The following GNB4 variants were observed in gnomAD, a reference collection of about 807,000 sequenced individuals.
GNB4 encodes guanine nucleotide-binding protein subunit beta-4.
In GNB4, 28 loss-of-function variants were observed where a neutral mutation model predicts 45.2. The ratio of observed to expected loss-of-function variants is 0.62; its 90% CI spans 0.46 to 0.85. The LOEUF (loss-of-function observed/expected upper bound fraction) is 0.85, where lower values mean the gene tolerates loss of function less well. Among genes scored for constraint, GNB4 ranks in the 40% least tolerant of loss-of-function variants. The pLI is 0.00. For synonymous variants in GNB4, 132 were observed against 143.7 expected (o/e 0.92, Z 0.58); for missense variants, 321 against 425.4 (o/e 0.75, Z 2.16).
chr3:179,519,138 A>G, the GNB4 span, among the ~76,000 whole-genome samples: 163 of 152,350 alleles, frequency 1.1e-3, 1 homozygote, highest in South Asian at 3.1e-3. Flanking sequence ...AGCTTGCTAC[A>G]AGTGCCAGAA....
At chr3:179,425,717 T>C (rs1452175781) in intron 2 of GNB4, among the ~76,000 whole-genome samples, 5 of 152,184 alleles carry the variant, frequency 3.3e-5, no homozygotes, top group Admixed American at 6.5e-5. Flanking sequence ...GTGATCCACC[T>C]GCCTCAGCCT....
the GNB4 span, among the ~76,000 whole-genome samples, chr3:179,521,703 G>T: frequency 1.6e-4 from 25 of 152,130 alleles, no homozygotes; most frequent in African/African-American, 6.0e-4. Context: ...TTGCTGGCAG[G>T]GCTATGCTGA....
At chr3:179,485,875 G>A in the GNB4 span, among the ~76,000 whole-genome samples, 1,154 of 152,218 alleles carry the variant, frequency 7.6e-3, 6 homozygotes, top group Middle Eastern at 0.017. Flanking sequence ...AGGAGGTGAA[G>A]GTTGCAGTGA....
chr3:179,520,568 C>T, the GNB4 span, among the ~76,000 whole-genome samples: 2 of 152,164 alleles, frequency 1.3e-5, no homozygotes, highest in Admixed American at 1.3e-4. Context: ...GCTCAACTCA[C>T]TCTCTACAGT....
rs372082625 is a variant in GNB4 at position 179,426,126 on chromosome 3, G to T, written c.57+18C>A. 17 of 1,592,300 alleles carry T rather than the reference G, an allele frequency of 1.1e-5. No individual in the cohort carries two copies. In the South Asian group the frequency reaches 1.8e-4, roughly 17 times the overall value. On this transcript the variant is annotated intron_variant, in intron 2 of 9. Transcript: ENST00000232564. ...GGTACTAAATAAGTGCTAACATTTT[G>T]AAATGAAAAGGTTTTACCTGAATCT...
upstream of GNB4, among the ~76,000 whole-genome samples, chr3:179,456,020 T>A (rs774541905): frequency 6.6e-6 from 1 of 152,086 alleles, no homozygotes; most frequent in Admixed American, 6.5e-5. Context: ...AGCATTTTTA[T>A]GACTTAGCCT....
chr3:179,487,441 C>T, the GNB4 span, among the ~76,000 whole-genome samples: 1 of 152,128 alleles, frequency 6.6e-6, no homozygotes, highest in Non-Finnish European at 1.5e-5. Flanking sequence ...GCGAAGGGAA[C>T]CCCGGAGAAA....
At chr3:179,526,123 T>A in the GNB4 span, among the ~76,000 whole-genome samples, 1 of 152,038 alleles carries the variant, frequency 6.6e-6, no homozygotes, top group Admixed American at 6.6e-5. Context: ...AAAATTACAG[T>A]CAAAAGGGGG....
At chr3:179,442,516 C>G (rs968274603) in intron 1 of GNB4, among the ~76,000 whole-genome samples, 41 of 152,108 alleles carry the variant, frequency 2.7e-4, no homozygotes, top group African/African-American at 8.9e-4. Flanking sequence ...AAATCATACA[C>G]TTAGCCTGTC....
At chr3:179,448,066 C>T (rs116213813) in intron 1 of GNB4, among the ~76,000 whole-genome samples, 435 of 152,278 alleles carry the variant, frequency 2.9e-3, no homozygotes, top group African/African-American at 0.01. Context: ...AGAATTGTTT[C>T]ATGGAGTAGG....
At chr3:179,521,561 C>T in the GNB4 span, among the ~76,000 whole-genome samples, 1 of 152,204 alleles carries the variant, frequency 6.6e-6, no homozygotes, top group Non-Finnish European at 1.5e-5. Context: ...CCATTCTCAA[C>T]TACTCATAAA....
chr3:179,418,489 G>A (rs71631210), intron 4 of GNB4, among the ~76,000 whole-genome samples: 23,380 of 132,438 alleles, frequency 0.18, 2,285 homozygotes, highest in Non-Finnish European at 0.22. Context: ...AAAAAAAAAA[G>A]AAAAAAGAAA....
chr3:179,467,993 T>C, the GNB4 span, among the ~76,000 whole-genome samples: 4 of 135,122 alleles, frequency 3.0e-5, no homozygotes, highest in African/African-American at 1.2e-4. Context: ...ATTCCAAGTA[T>C]GAAAAACCAG....
intron 6 of GNB4, 142 bp downstream of exon 6, chr3:179,414,736 GTTAATGT>G: frequency 1.9e-6 from 1 of 529,192 alleles, no homozygotes; most frequent in Non-Finnish European, 3.2e-6. Flanking sequence ...ACTATAAAAA[GTTAATGT>G]TTCCTTTGTT....
the GNB4 span, chr3:179,464,354 G>A: frequency 7.5e-6 from 6 of 795,466 alleles, no homozygotes; most frequent in South Asian, 2.9e-5. Context: ...CTATGGCTGC[G>A]ACTTCCCTCA....
At chr3:179,430,499 CT>C (rs1373270602) in intron 1 of GNB4, among the ~76,000 whole-genome samples, 2 of 152,268 alleles carry the variant, frequency 1.3e-5, no homozygotes, top group Middle Eastern at 3.4e-3. Context: ...GTCAACCAGG[CT>C]GGAGTGCAGC....
At chr3:179,453,401 C>T (rs546783510), upstream of GNB4, among the ~76,000 whole-genome samples, 3 of 152,158 alleles carry the variant, frequency 2.0e-5, no homozygotes, top group Admixed American at 6.5e-5. Context: ...GAATTACAGG[C>T]GTGAGCCACC....
At chr3:179,524,235 G>A in the GNB4 span, among the ~76,000 whole-genome samples, 1 of 152,250 alleles carries the variant, frequency 6.6e-6, no homozygotes, top group African/African-American at 2.4e-5. Flanking sequence ...GTCAGTCAGA[G>A]GGCCTTGGGC....
chr3:179,437,694 G>A (rs1438632718), intron 1 of GNB4: 2 of 152,154 alleles, frequency 1.3e-5, no homozygotes, highest in Non-Finnish European at 2.9e-5. Context: ...AAAAAAACCT[G>A]TAGTTTTCAA....
Sources: gnomAD v4.1 joint callset for allele counts (sites outside exome capture counted in the v4.1 genomes callset) on GRCh38, gnomAD v4.1.1 for gene constraint, MANE v1.5 for transcripts, NCBI Gene and HGNC (gene_info 2026-07-23, HGNC 2026-07-21) for gene names.